TMEM117: variants seen among roughly 807,000 people sequenced by gnomAD.
TMEM117 encodes transmembrane protein 117.
A neutral mutation model predicts 52.4 loss-of-function variants in TMEM117; 27 were observed. The observed-to-expected ratio is 0.51, with a 90% CI of 0.38 to 0.71. The LOEUF is 0.71. Among genes scored for constraint, TMEM117 ranks in the 30% least tolerant of loss-of-function variants. The probability of loss-of-function intolerance (pLI) is 0.00; values close to 1 mark genes in which losing one functional copy is unlikely to be tolerated. For synonymous variants in TMEM117, 215 were observed against 206.3 expected (o/e 1.04, Z -0.36); for missense variants, 556 against 630.5 (o/e 0.88, Z 1.26).
At chr12:44,194,095 T>C (rs960928885) in intron 4 of TMEM117, among the ~76,000 whole-genome samples, 3 of 152,146 alleles carry the variant, frequency 2.0e-5, no homozygotes, top group African/African-American at 7.2e-5. Context: ...GACTGAACCA[T>C]TTGAAAATGA....
chr12:43,994,139 G>A (rs10736018), intron 3 of TMEM117, among the ~76,000 whole-genome samples: 108,775 of 152,140 alleles, frequency 0.71, 43,977 homozygotes, highest in Non-Finnish European at 0.88. Flanking sequence ...TCTGGTTCAG[G>A]TCAGCAATGC....
chr12:44,338,496 A>G (rs953268953), intron 6 of TMEM117, among the ~76,000 whole-genome samples: 31 of 152,110 alleles, frequency 2.0e-4, no homozygotes, highest in African/African-American at 7.5e-4. Context: ...ACACACGAAA[A>G]AGATGGTGGA....
At chr12:43,981,552 C>T (rs1419935168) in intron 3 of TMEM117, among the ~76,000 whole-genome samples, 1 of 152,128 alleles carries the variant, frequency 6.6e-6, no homozygotes, top group African/African-American at 2.4e-5. Flanking sequence ...GTTCGAGAAA[C>T]TGTGAGATAG....
intron 3 of TMEM117, among the ~76,000 whole-genome samples, chr12:44,001,096 A>G (rs1390572398): frequency 6.6e-6 from 1 of 152,224 alleles, no homozygotes; most frequent in Non-Finnish European, 1.5e-5. Context: ...CGGAGACATC[A>G]GGAAAATTAG....
intron 5 of TMEM117, among the ~76,000 whole-genome samples, chr12:44,233,341 A>C (rs1949955965): frequency 6.6e-6 from 1 of 151,366 alleles, no homozygotes; most frequent in Non-Finnish European, 1.5e-5. Flanking sequence ...TGTGGAAATA[A>C]TCATATGATC....
At chr12:43,947,441 TA>T (rs1040896136) in intron 3 of TMEM117, among the ~76,000 whole-genome samples, 76 of 152,342 alleles carry the variant, frequency 5.0e-4, no homozygotes, top group African/African-American at 1.8e-3. Flanking sequence ...AATAGGAGTG[TA>T]AACTTGGAGG....
At chr12:44,121,774 G>A (rs1179460920) in intron 3 of TMEM117, among the ~76,000 whole-genome samples, 1 of 152,110 alleles carries the variant, frequency 6.6e-6, no homozygotes, top group Non-Finnish European at 1.5e-5. Flanking sequence ...GTGTGTTGTG[G>A]CAGTTTGGTG....
intron 2 of TMEM117, among the ~76,000 whole-genome samples, chr12:43,937,052 T>A (rs989157477): frequency 3.9e-5 from 6 of 152,032 alleles, no homozygotes; most frequent in Non-Finnish European, 8.8e-5. Flanking sequence ...GGGGTGTGGT[T>A]TTAAAAAGGC....
At chr12:44,085,097 G>A (rs1947544669) in intron 3 of TMEM117, among the ~76,000 whole-genome samples, 1 of 152,088 alleles carries the variant, frequency 6.6e-6, no homozygotes, top group South Asian at 2.1e-4. Context: ...GACACATTTG[G>A]CATCATCCAT....
At chr12:44,275,959 C>T (rs1046039182) in intron 5 of TMEM117, among the ~76,000 whole-genome samples, 6 of 151,940 alleles carry the variant, frequency 3.9e-5, no homozygotes, top group Non-Finnish European at 7.4e-5. Flanking sequence ...TTGCATTGTT[C>T]GTAAGACAAG....
chr12:44,184,987 G>A (rs1334596796), intron 4 of TMEM117, among the ~76,000 whole-genome samples: 1 of 152,124 alleles, frequency 6.6e-6, no homozygotes, highest in Non-Finnish European at 1.5e-5. Context: ...CTTAAGGTAA[G>A]CCCTACTCAG....
chr12:44,348,234 A>G (rs1951514216), intron 6 of TMEM117, among the ~76,000 whole-genome samples: 1 of 150,596 alleles, frequency 6.6e-6, no homozygotes, highest in African/African-American at 2.4e-5. Flanking sequence ...ATAAAGGAAT[A>G]ATATCTTTGA....
chr12:44,346,092 A>G (rs146231258), intron 6 of TMEM117, among the ~76,000 whole-genome samples: 1 of 152,214 alleles, frequency 6.6e-6, no homozygotes, highest in East Asian at 1.9e-4. Flanking sequence ...AAATCATTTT[A>G]TTTGTTTAAT....
In TMEM117 at chr12:44,103,044, C is replaced by T. The variant is rs368050377; in HGVS notation, c.411-40481C>T. Reference sequence around the variant, plus strand: ...CATGCTGAACTGGGAGTCAATTAAACCTCTTTCCTTTATAAATTACCCAGT... The same window carrying T: ...CATGCTGAACTGGGAGTCAATTAAATCTCTTTCCTTTATAAATTACCCAGT... On this transcript the variant is annotated intron_variant, in intron 3 of 7. Coordinates refer to ENST00000266534, the MANE Select transcript of TMEM117 (RefSeq NM_032256.3). Among the ~76,000 whole-genome samples, 61 of 152,172 alleles carry T rather than the reference C, an allele frequency of 4.0e-4. No individual in the cohort carries two copies. In the South Asian group the frequency reaches 0.012, roughly 31 times the overall value.
intron 2 of TMEM117, among the ~76,000 whole-genome samples, chr12:43,857,201 C>T (rs533396568): frequency 1.3e-5 from 2 of 152,276 alleles, no homozygotes; most frequent in South Asian, 4.1e-4. Context: ...CTCTAGTTCC[C>T]CTAGGACAGA....
chr12:44,115,842 A>C (rs1019227246), intron 3 of TMEM117, among the ~76,000 whole-genome samples: 1 of 152,222 alleles, frequency 6.6e-6, no homozygotes, highest in Non-Finnish European at 1.5e-5. Context: ...GTCTTTACAA[A>C]GCTAGCCCTC....
chr12:44,201,250 A>C (rs1310170805), intron 4 of TMEM117, among the ~76,000 whole-genome samples: 2 of 152,140 alleles, frequency 1.3e-5, no homozygotes, highest in Admixed American at 6.6e-5. Flanking sequence ...TAGATAAATA[A>C]AGGTCAAATT....
Position 43,909,985 on chromosome 12 carries a change from C to G in TMEM117, c.278-34225C>G, listed in dbSNP as rs1318927267. Among the ~76,000 whole-genome samples the G allele has an allele frequency of 6.9e-3, 925 of 133,374 alleles. 13 individuals carry two copies. Among genetic ancestry groups the G allele is most frequent in the African/African-American group, 0.023 (866 of 38,338 alleles). 87.5% of individuals were successfully genotyped at this position (133,374 alleles called of 152,430 possible). A position where few individuals can be genotyped will look rare whatever the true frequency, so the allele number is the denominator to read the frequency against. ...TAGAAAAAGAGGGAATCCTCCCTAA[C>G]TCATTTTATGAGGCCAGCATCATCC... On this transcript the variant is annotated intron_variant, in intron 2 of 7. Transcript: ENST00000266534.
chr12:44,021,674 C>T (rs1485319450), intron 3 of TMEM117, among the ~76,000 whole-genome samples: 2 of 152,210 alleles, frequency 1.3e-5, no homozygotes, highest in East Asian at 3.8e-4. Flanking sequence ...CAAACTCCAG[C>T]AATAAAGACA....
Sources: allele counts gnomAD v4.1 joint callset (sites outside exome capture counted in the v4.1 genomes callset), GRCh38; gene constraint gnomAD v4.1.1; transcripts MANE v1.5; gene names NCBI Gene and HGNC (gene_info 2026-07-23, HGNC 2026-07-21).